Variants in SIRT6 observed in about 807,000 individuals in gnomAD.
The protein encoded by SIRT6 is sirtuin 6, also known as NAD-dependent protein deacylase sirtuin-6.
Under a neutral mutation model 33.6 loss-of-function variants are expected in SIRT6, and 21 were observed. That is an observed-to-expected ratio of 0.62 (90% CI 0.44 to 0.90). The LOEUF is 0.90. SIRT6 is among the 40% of genes least tolerant of loss of function. SIRT6 has a pLI of 0.00. For synonymous variants in SIRT6, 221 were observed against 223.9 expected, an observed-to-expected ratio of 0.99 and a Z score of 0.12; for missense variants, 504 against 510.6, an observed-to-expected ratio of 0.99 and a Z score of 0.12.
At chr19:4,181,520 C>T (rs1476700072) in intron 1 of SIRT6, among the ~76,000 whole-genome samples, 1 of 152,208 alleles carries the variant, frequency 6.6e-6, no homozygotes, top group Non-Finnish European at 1.5e-5. Flanking sequence ...GGTATGGTGG[C>T]TCACGCCTAT....
At position 4,175,721 on chromosome 19, in the gene SIRT6, G is replaced by A. The variant is rs202158174; in HGVS notation, c.573C>T (p.Ser191=). 2 of 1,586,242 alleles carry A rather than the reference G, an allele frequency of 1.3e-6. No individual in the cohort carries two copies. The highest frequency in any genetic ancestry group is 1.3e-5 in the African/African-American group (1 of 74,516). Residue 191 remains serine, a synonymous_variant, in exon 6 of 8, where the codon TCC becomes TCT. Transcript: ENST00000337491. ...LRDTILDWED[S]LPDRDLALAD... is the part of the protein sequence containing the mutation. ...CGAGTGCCAGGTCCCGGTCGGGCAG[G>A]GAGTCCTCCCAGTCTAGGATGGTGT...
intron 6 of SIRT6, chr19:4,175,394 C>G: frequency 1.5e-6 from 1 of 645,168 alleles, no homozygotes; most frequent in Non-Finnish European, 2.6e-6. Context: ...AGAGCTTGGA[C>G]ACCTAGGGTG....
chr19:4,175,061 G>A lies in SIRT6; in HGVS notation c.705C>T (p.Arg235=). ...TGGGCTGCAGGTTGACGATGACCAGGCGGCCTCCCCGGCGCTTGGTAGCCA... is the reference window on the plus strand; with the variant it reads ...TGGGCTGCAGGTTGACGATGACCAGACGGCCTCCCCGGCGCTTGGTAGCCA... ...LPLATKRRGG[R]LVIVNLQPTK... is the part of the protein sequence containing the mutation. Residue 235 remains arginine (R), a synonymous_variant, in exon 7 of 8, where the codon CGC becomes CGT. Coordinates refer to ENST00000337491, the MANE Select transcript of SIRT6 (RefSeq NM_016539.4). 3 of 1,590,206 alleles carry A rather than the reference G, an allele frequency of 1.9e-6. No individual in the cohort carries two copies. Among genetic ancestry groups the A allele is most frequent in the Non-Finnish European group, 2.6e-6 (3 of 1,167,694 alleles).
intron 1 of SIRT6, chr19:4,182,168 A>C: frequency 2.8e-6 from 1 of 358,912 alleles, no homozygotes. Flanking sequence ...CGGCTCTGGA[A>C]ACCTCCCAGG....
At chr19:4,181,923 C>T (rs992398207) in intron 1 of SIRT6, among the ~76,000 whole-genome samples, 3 of 152,064 alleles carry the variant, frequency 2.0e-5, no homozygotes, top group Non-Finnish European at 1.5e-5. Context: ...GGAATGGGGC[C>T]ATCTTCACCT....
chr19:4,179,662 G>A (rs941477135), intron 2 of SIRT6, among the ~76,000 whole-genome samples: 2 of 152,222 alleles, frequency 1.3e-5, no homozygotes, highest in Non-Finnish European at 2.9e-5. Context: ...ATGGGCCCAA[G>A]CCCTGCCCTC....
At chr19:4,178,141 C>T (rs970239594) in intron 3 of SIRT6, among the ~76,000 whole-genome samples, 1 of 151,966 alleles carries the variant, frequency 6.6e-6, no homozygotes, top group African/African-American at 2.4e-5. Flanking sequence ...ATTCTCCTGA[C>T]TCAGCCTCCC....
intron 6 of SIRT6, chr19:4,175,401 G>A: frequency 1.6e-6 from 1 of 639,378 alleles, no homozygotes; most frequent in East Asian, 2.8e-5. Flanking sequence ...GGACACCTAG[G>A]GTGGGACCCT....
At chr19:4,175,605 T>G in intron 6 of SIRT6, 75 bp downstream of exon 6, 1 of 1,367,848 alleles carries the variant, frequency 7.3e-7, no homozygotes, top group East Asian at 2.5e-5. Flanking sequence ...CACTGTCCCA[T>G]GCTGGAGCTG....
chr19:4,178,964 C>G (rs922307448), intron 3 of SIRT6, 140 bp downstream of exon 3: 7 of 1,126,718 alleles, frequency 6.2e-6, no homozygotes, highest in Admixed American at 2.4e-5. Context: ...AGCCATGGGA[C>G]TCAGAGATCT....
rs984467367 is a variant in SIRT6, at chr19:4,174,168, C to A, written c.*449G>T. The A allele has an allele frequency of 1.2e-5, 2 of 162,926 alleles. No individual in the cohort carries two copies. Among genetic ancestry groups the A allele is most frequent in the African/African-American group, 4.8e-5 (2 of 41,842 alleles). 10.1% of individuals were successfully genotyped at this position (162,926 alleles called of 1,614,324 possible). A position where few individuals can be genotyped will look rare whatever the true frequency, so the allele number is the denominator to read the frequency against. ...CTTTTCCAGAAGCCTGGTGGACCCA[C>A]GTCTCCCTCCAGCCCCAAAGGCAGT... is the stretch of plus-strand genomic sequence containing the variant. On this transcript the variant is annotated 3_prime_UTR_variant, in exon 8 of 8. Coordinates refer to ENST00000337491, the MANE Select transcript of SIRT6 (RefSeq NM_016539.4). This position sits in a 1 kb window ranked among gnomAD's most constrained non-coding sequence, Gnocchi z 4.2.
At chr19:4,178,669 G>C (rs1459281763) in intron 3 of SIRT6, among the ~76,000 whole-genome samples, 3 of 152,076 alleles carry the variant, frequency 2.0e-5, no homozygotes, top group African/African-American at 7.2e-5. Context: ...GGCCAACATG[G>C]AGAAACCCCG....
In SIRT6 at chr19:4,179,276, C is replaced by T; in HGVS notation, c.205G>A (p.Gly69Arg). The change falls in exon 3 of 8, where the codon GGA becomes AGA. Residue 69 changes from glycine (G) to arginine (R), a missense_variant. Transcript: ENST00000337491. ...SGIPDFRGPH[G>R]VWTMEERGLA... ...CCTCGCTCCTCCATGGTCCAGACTC[C>T]GTGGGGACCCCTGAAGGTGGCAGGC... 1.2e-6 allele frequency: 2 copies of T among 1,601,444 alleles called. No individual in the cohort carries two copies. Among genetic ancestry groups the T allele is most frequent in the South Asian group, 1.1e-5 (1 of 89,006 alleles).
At position 4,175,028 on chromosome 19, in the gene SIRT6, G is replaced by C; in HGVS notation, c.738C>G (p.His246Gln). 1 of 1,596,404 alleles carries C rather than the reference G, an allele frequency of 6.3e-7. No homozygotes were observed. The highest frequency in any genetic ancestry group is 8.5e-7 in the Non-Finnish European group (1 of 1,170,504). ...GGCAGGGGTAGGCTCAGACACCTAC[G>C]TGCTTGGTGGGCTGCAGGTTGACGA... ...LVIVNLQPTKHDRHADLRIHG... is the reference protein window; with the variant it reads ...LVIVNLQPTKQDRHADLRIHG... The change falls in exon 7 of 8, where the codon CAC becomes CAG. Residue 246 changes from histidine to glutamine, a missense_variant and splice_region_variant. By Grantham distance (24) the His-to-Gln change is conservative (BLOSUM62 0). Transcript: ENST00000337491.
intron 1 of SIRT6, among the ~76,000 whole-genome samples, chr19:4,181,999 G>T (rs373309649): frequency 1.3e-5 from 2 of 152,070 alleles, no homozygotes; most frequent in East Asian, 3.9e-4. Flanking sequence ...CCCACAGTGC[G>T]TGGAGGGGGC....
Position 4,174,564 on chromosome 19 carries a change from GAA to G in SIRT6, c.*51_*52del. The G allele has an allele frequency of 7.3e-7, 1 of 1,376,188 alleles. No individual in the cohort carries two copies. Among genetic ancestry groups the G allele is most frequent in the Non-Finnish European group, 9.5e-7 (1 of 1,048,592 alleles). 85.2% of individuals were successfully genotyped at this position (1,376,188 alleles called of 1,614,324 possible). A position where few individuals can be genotyped will look rare whatever the true frequency, so the allele number is the denominator to read the frequency against. On this transcript the variant is annotated 3_prime_UTR_variant, in exon 8 of 8. Coordinates refer to ENST00000337491, the MANE Select transcript of SIRT6 (RefSeq NM_016539.4). This position sits in a 1 kb window ranked among gnomAD's most constrained non-coding sequence, Gnocchi z 4.2. The stretch of plus-strand genomic sequence containing the variant: ...CAAGTAACAAAGTGAGACCACGAGA[GAA>G]AAAGAATCCACAGTTTCTACAAAAA...
Position 4,175,057 on chromosome 19 carries a change from C to T in SIRT6, c.709G>A (p.Val237Ile). 1 of 1,590,176 alleles carries T rather than the reference C, an allele frequency of 6.3e-7. No individual in the cohort carries two copies. The highest frequency in any genetic ancestry group is 8.6e-7 in the Non-Finnish European group (1 of 1,167,520). The change falls in exon 7 of 8, where the codon GTC becomes ATC. Residue 237 changes from valine (V) to isoleucine (I), a missense_variant. By Grantham distance (29) the Val-to-Ile change is conservative. Coordinates refer to ENST00000337491, the MANE Select transcript of SIRT6 (RefSeq NM_016539.4). Reference sequence around the variant, plus strand: ...TTGGTGGGCTGCAGGTTGACGATGACCAGGCGGCCTCCCCGGCGCTTGGTA... The same window carrying T: ...TTGGTGGGCTGCAGGTTGACGATGATCAGGCGGCCTCCCCGGCGCTTGGTA... ...LATKRRGGRL[V>I]IVNLQPTKHD...
chr19:4,175,799 G>C, intron 5 of SIRT6, 39 bp from the exon 6 acceptor site: 1 of 1,553,334 alleles, frequency 6.4e-7, no homozygotes, highest in Non-Finnish European at 8.7e-7. Context: ...CAGGGGCCTC[G>C]CAGCCTCCCC....
rs199888532 is a variant in SIRT6 at position 4,174,989 on chromosome 19, G to A, written c.738+39C>T. ...GGGTCAGGCGTGGGGGACAGAGGGT[G>A]CATGGTGGCCCTGGGCAGGGGTAGG... On this transcript the variant is annotated intron_variant, in intron 7 of 7. Transcript: ENST00000337491. This position sits in a 1 kb window ranked among gnomAD's most constrained non-coding sequence, Gnocchi z 4.2. The A allele has an allele frequency of 1.9e-6, 3 of 1,607,634 alleles. No individual in the cohort carries two copies. The highest frequency in any genetic ancestry group is 2.5e-6 in the Non-Finnish European group (3 of 1,177,048).
Sources: gnomAD v4.1 joint callset for allele counts (sites outside exome capture counted in the v4.1 genomes callset) on GRCh38, gnomAD v4.1.1 for gene constraint, Gnocchi (gnomAD v3.1) non-coding constraint, MANE v1.5 for transcripts, NCBI Gene and HGNC (gene_info 2026-07-23, HGNC 2026-07-21) for gene names.